The following GLYATL1 variants were observed in gnomAD, a reference collection of about 807,000 sequenced individuals.
GLYATL1 encodes glycine-N-acyltransferase like 1.
In GLYATL1, 15 loss-of-function variants were observed where a neutral mutation model predicts 20.0. The observed-to-expected ratio is 0.75, with a 90% CI of 0.50 to 1.15. The LOEUF (loss-of-function observed/expected upper bound fraction) is 1.15, where lower values mean the gene tolerates loss of function less well. Among genes scored for constraint, GLYATL1 ranks in the 50% most tolerant of loss-of-function variants. GLYATL1 has a pLI of 0.00. For missense variants in GLYATL1, 380 were observed against 368.5 expected (o/e 1.03, Z -0.26); for synonymous variants, 151 against 131.5 (o/e 1.15, Z -1.01).
chr11:58,915,286 T>C (rs947950359), intron 1 of GLYATL1, among the ~76,000 whole-genome samples: 6 of 152,268 alleles, frequency 3.9e-5, no homozygotes, highest in Admixed American at 3.9e-4. Flanking sequence ...CTCCTCCTGG[T>C]GAGGTGAAAT....
chr11:58,937,503 G>GAAAAGT (rs1855889047), upstream of GLYATL1, among the ~76,000 whole-genome samples: 1 of 152,164 alleles, frequency 6.6e-6, no homozygotes, highest in African/African-American at 2.4e-5. Flanking sequence ...ACAGAAATCA[G>GAAAAGT]AAAAGTACTA....
intron 2 of GLYATL1, 22 bp downstream of exon 2, chr11:58,943,688 G>A: frequency 6.2e-7 from 1 of 1,610,358 alleles, no homozygotes; most frequent in Non-Finnish European, 8.5e-7. Context: ...CTCGCATTTT[G>A]GAGCTTCACA....
intron 1 of GLYATL1, among the ~76,000 whole-genome samples, chr11:58,916,417 C>T (rs1369043855): frequency 6.6e-6 from 1 of 152,180 alleles, no homozygotes; most frequent in African/African-American, 2.4e-5. Context: ...CCCATAAGAG[C>T]CTGGCCTTTT....
At chr11:58,910,510 C>T (rs1401560108), downstream of GLYATL1, among the ~76,000 whole-genome samples, 1 of 152,116 alleles carries the variant, frequency 6.6e-6, no homozygotes, top group Non-Finnish European at 1.5e-5. Context: ...ATACATGTGG[C>T]TGTGGTATTA....
chr11:58,927,017 C>T (rs1293446228), upstream of GLYATL1, among the ~76,000 whole-genome samples: 2 of 152,206 alleles, frequency 1.3e-5, no homozygotes, highest in Non-Finnish European at 2.9e-5. Context: ...CATGTTTTGG[C>T]TACACTTACA....
At chr11:58,938,888 C>A (rs933904523), upstream of GLYATL1, among the ~76,000 whole-genome samples, 6 of 152,084 alleles carry the variant, frequency 3.9e-5, no homozygotes, top group African/African-American at 1.4e-4. Flanking sequence ...GCTCAGCAGC[C>A]CTACAGATAG....
In GLYATL1 at chr11:58,954,901, C is replaced by G. The variant is rs368951690; in HGVS notation, c.313+5C>G. On this transcript the variant is annotated splice_donor_5th_base_variant and intron_variant, in intron 5 of 6. Transcript: ENST00000532726. ...AACAGAGACTCCAAATCCAAGGTAA[C>G]GAGTCTGAAGAAATGGGCAAGCAGC... is the stretch of plus-strand genomic sequence containing the variant. 3.1e-6 allele frequency: 5 copies of G among 1,604,446 alleles called. No individual in the cohort carries two copies. Among genetic ancestry groups the G allele is most frequent in the African/African-American group, 2.7e-5 (2 of 73,892 alleles).
intron 4 of GLYATL1, among the ~76,000 whole-genome samples, chr11:58,952,635 T>C (rs549865911): frequency 6.6e-6 from 1 of 152,330 alleles, no homozygotes; most frequent in Admixed American, 6.5e-5. Context: ...TGCTGATTCT[T>C]GGAGTATGGA....
chr11:58,943,570 G>A lies in GLYATL1; in HGVS notation c.-139G>A. The stretch of plus-strand genomic sequence containing the variant: ...GGTGTCACAAGAAGGATCTGAAGTG[G>A]AGCTTCTAGTATCCCCAGGAGCGCG... On this transcript the variant is annotated 5_prime_UTR_variant, in exon 2 of 7. Coordinates refer to ENST00000532726, the MANE Select transcript of GLYATL1 (RefSeq NM_001389712.2). 1 of 1,613,438 alleles carries A rather than the reference G, an allele frequency of 6.2e-7. No homozygotes were observed.
chr11:58,919,194 T>C (rs941795806), intron 1 of GLYATL1, among the ~76,000 whole-genome samples: 1 of 152,238 alleles, frequency 6.6e-6, no homozygotes, highest in African/African-American at 2.4e-5. Flanking sequence ...TGCATTTGCC[T>C]CCTTAAAATT....
intron 1 of GLYATL1, among the ~76,000 whole-genome samples, chr11:58,942,773 A>G (rs902908618): frequency 2.0e-5 from 3 of 152,212 alleles, no homozygotes; most frequent in African/African-American, 7.2e-5. Context: ...TTTTAAAGCT[A>G]TGGGACCAGA....
upstream of GLYATL1, among the ~76,000 whole-genome samples, chr11:58,938,355 T>C (rs1173068232): frequency 6.6e-6 from 1 of 152,150 alleles, no homozygotes; most frequent in Non-Finnish European, 1.5e-5. Flanking sequence ...GTCCCAAAGA[T>C]GGAAGAACAT....
At chr11:58,935,808 G>T (rs190258485), upstream of GLYATL1, 44 of 152,232 alleles carry the variant, frequency 2.9e-4, no homozygotes, top group Middle Eastern at 6.8e-3. Context: ...TTTAGGAGGT[G>T]ATGAATATGT....
intron 1 of GLYATL1, among the ~76,000 whole-genome samples, chr11:58,920,908 C>T (rs1359128292): frequency 1.3e-5 from 2 of 152,176 alleles, no homozygotes; most frequent in African/African-American, 4.8e-5. Flanking sequence ...TTCTAGTTGC[C>T]TGGACAAGTA....
chr11:58,949,680 C>T (rs1856827145), intron 4 of GLYATL1, among the ~76,000 whole-genome samples: 1 of 151,086 alleles, frequency 6.6e-6, no homozygotes, highest in Admixed American at 6.6e-5. Flanking sequence ...ACATATAAGA[C>T]CAAAAAAAAA....
chr11:58,924,437 C>T (rs1855378737), upstream of GLYATL1, among the ~76,000 whole-genome samples: 1 of 152,196 alleles, frequency 6.6e-6, no homozygotes, highest in Non-Finnish European at 1.5e-5. Context: ...CAGCTGCCTT[C>T]AGCCTGTTTA....
chr11:58,917,864 G>A (rs1855212785), intron 1 of GLYATL1, among the ~76,000 whole-genome samples: 1 of 152,236 alleles, frequency 6.6e-6, no homozygotes, highest in Non-Finnish European at 1.5e-5. Flanking sequence ...CTTAGATAAT[G>A]TTATCAAGAC....
intron 1 of GLYATL1, among the ~76,000 whole-genome samples, chr11:58,930,100 A>T (rs1855544538): frequency 2.3e-5 from 3 of 129,532 alleles, no homozygotes; most frequent in Middle Eastern, 4.1e-3. Flanking sequence ...ATGCTGCTTT[A>T]AAAAAAAATT....
At chr11:58,928,052 C>T (rs1310614457) in intron 1 of GLYATL1, among the ~76,000 whole-genome samples, 2 of 152,150 alleles carry the variant, frequency 1.3e-5, no homozygotes, top group East Asian at 3.9e-4. Flanking sequence ...ACTTGTTTCC[C>T]GGAGCTCTAT....
Sources: allele counts gnomAD v4.1 joint callset (sites outside exome capture counted in the v4.1 genomes callset), GRCh38; gene constraint gnomAD v4.1.1; transcripts MANE v1.5; gene names NCBI Gene and HGNC (gene_info 2026-07-23, HGNC 2026-07-21).